TBC1D2B: variants seen among roughly 807,000 people sequenced by gnomAD.
TBC1D2B encodes the protein TBC1 domain family, member 2B.
A neutral mutation model predicts 100.8 loss-of-function variants in TBC1D2B; 64 were observed. The observed-to-expected ratio is 0.64, with a 90% CI of 0.52 to 0.78. TBC1D2B has a LOEUF of 0.78. Ranked by LOEUF, TBC1D2B falls within the 30% of genes least tolerant of loss-of-function variation. The pLI, the probability that TBC1D2B is intolerant of heterozygous loss-of-function variation, is 0.00. For synonymous variants in TBC1D2B, 480 were observed against 479.7 expected (o/e 1.00, Z -0.01); for missense variants, 1,052 against 1,218.4 (o/e 0.86, Z 2.03).
chr15:78,063,358 A>C (rs941086413), intron 1 of TBC1D2B, among the ~76,000 whole-genome samples: 2 of 152,206 alleles, frequency 1.3e-5, no homozygotes, highest in Non-Finnish European at 2.9e-5. Context: ...ACTTGCTATC[A>C]AGGGGAAGGA....
Position 78,025,392 on chromosome 15 carries a change from C to T in TBC1D2B, c.953G>A (p.Gly318Asp). ...IGSYKNRHSS[G>D]DPSSEGTSGS... ...TGATGTGCCTTCACTTGAAGGGTCACCACTGCTGTGACGATTTTTGTACGA... is the reference window on the plus strand; with the variant it reads ...TGATGTGCCTTCACTTGAAGGGTCATCACTGCTGTGACGATTTTTGTACGA... Residue 318 changes from glycine (G) to aspartate (D), a missense_variant, in exon 5 of 13, where the codon GGT becomes GAT. By Grantham distance (94) the Gly-to-Asp change is moderately conservative. This residue lies in a region of TBC1D2B where 627 missense variants were observed against 646.1 expected (regional missense o/e 0.97). Transcript: ENST00000300584. 1 of 1,613,982 alleles carries T rather than the reference C, an allele frequency of 6.2e-7. No homozygotes were observed. The highest frequency in any genetic ancestry group is 1.7e-5 in the Admixed American group (1 of 60,018).
rs142452030 is a variant in TBC1D2B, at chr15:78,013,098, G to A, written c.1995C>T (p.His665=). Residue 665 remains histidine, a synonymous_variant, in exon 9 of 13, where the codon CAC becomes CAT. Transcript: ENST00000300584. The part of the protein sequence containing the change: ...LKNLIRAGIP[H]EHRSKVWKWC... ...ACTTCCACACCTTGGAACGGTGCTC[G>A]TGGGGAATGCCCGCACGGATGAGGT... The A allele has an allele frequency of 2.5e-5, 40 of 1,614,004 alleles. No individual in the cohort carries two copies. In the East Asian group the frequency reaches 3.6e-4, roughly 14 times the overall value.
At chr15:78,019,438 G>A (rs1021474431) in intron 6 of TBC1D2B, among the ~76,000 whole-genome samples, 3 of 152,136 alleles carry the variant, frequency 2.0e-5, no homozygotes, top group Admixed American at 6.5e-5. Flanking sequence ...TCTCAGGCCC[G>A]ACTCCCACTA....
intron 1 of TBC1D2B, among the ~76,000 whole-genome samples, chr15:78,056,804 C>G (rs1410013841): frequency 6.6e-6 from 1 of 151,154 alleles, no homozygotes; most frequent in Admixed American, 6.6e-5. Context: ...TCTGCCAAAC[C>G]CCCAACCCTT....
chr15:78,011,937 G>A (rs4886990), intron 9 of TBC1D2B, among the ~76,000 whole-genome samples: 127,071 of 151,942 alleles, frequency 0.84, 54,648 homozygotes, highest in East Asian at 0.99. Flanking sequence ...GTGACCCACC[G>A]CACACAGCCA....
chr15:78,060,476 A>C lies in TBC1D2B; in HGVS notation c.361-6289T>G, dbSNP rs1432850238. Among the ~76,000 whole-genome samples, 5 of 3,520 alleles carry C rather than the reference A, an allele frequency of 1.4e-3. No individual in the cohort carries two copies. In the Non-Finnish European group the frequency reaches 0.025, roughly 17 times the overall value. 2.3% of individuals were successfully genotyped at this position (3,520 alleles called of 152,430 possible). On this transcript the variant is annotated intron_variant, in intron 1 of 12. Transcript: ENST00000300584. ...AACATGGTGAAACCACATCACTACA[A>C]AAAAAAAAAAAAAAAATTAGCCAGG...
intron 2 of TBC1D2B, among the ~76,000 whole-genome samples, chr15:78,045,931 T>C (rs1486417348): frequency 1.3e-5 from 2 of 152,058 alleles, no homozygotes; most frequent in African/African-American, 2.4e-5. Flanking sequence ...AAAAACATTT[T>C]TCTTTTTTTT....
chr15:78,054,786 T>G lies in TBC1D2B; in HGVS notation c.361-599A>C, dbSNP rs537375176. On this transcript the variant is annotated intron_variant, in intron 1 of 12. Coordinates refer to ENST00000300584, the MANE Select transcript of TBC1D2B (RefSeq NM_144572.2). Reference sequence around the variant, plus strand: ...TTTAGAAAACAGTTTAGCAATTCCTTATAAAGTTAAACATACACTTACCAA... The same window carrying G: ...TTTAGAAAACAGTTTAGCAATTCCTGATAAAGTTAAACATACACTTACCAA... Among the ~76,000 whole-genome samples the G allele has an allele frequency of 5.9e-4, 90 of 152,298 alleles. No homozygotes were observed. The East Asian group carries it at 0.012, about 20-fold the overall frequency.
At chr15:78,049,884 A>T (rs1406548758) in intron 2 of TBC1D2B, among the ~76,000 whole-genome samples, 3 of 152,144 alleles carry the variant, frequency 2.0e-5, no homozygotes, top group African/African-American at 4.8e-5. Flanking sequence ...CAGATGGGGA[A>T]ATTATGATGT....
At chr15:78,001,322 C>A (rs2141615917) in intron 12 of TBC1D2B, among the ~76,000 whole-genome samples, 1 of 152,364 alleles carries the variant, frequency 6.6e-6, no homozygotes, top group South Asian at 2.1e-4. Context: ...CCAGCACAGA[C>A]CCTACCACAA....
At chr15:78,060,613 G>A (rs1390097650) in intron 1 of TBC1D2B, among the ~76,000 whole-genome samples, 1 of 151,894 alleles carries the variant, frequency 6.6e-6, no homozygotes, top group Non-Finnish European at 1.5e-5. Flanking sequence ...CAGCCTGGGC[G>A]ACAGAGCAAG....
At chr15:78,012,464 G>A (rs2072255257) in intron 9 of TBC1D2B, among the ~76,000 whole-genome samples, 1 of 152,216 alleles carries the variant, frequency 6.6e-6, no homozygotes, top group South Asian at 2.1e-4. Flanking sequence ...AAAAGATCCT[G>A]TATACTGCAT....
chr15:78,061,577 A>AAT (rs2073546780), intron 1 of TBC1D2B, among the ~76,000 whole-genome samples: 1 of 148,282 alleles, frequency 6.7e-6, no homozygotes, highest in Non-Finnish European at 1.5e-5. Flanking sequence ...TGTCTCCAAA[A>AAT]ATATATATAT....
intron 9 of TBC1D2B, among the ~76,000 whole-genome samples, chr15:78,010,269 G>T (rs375340936): frequency 6.6e-6 from 1 of 152,140 alleles, no homozygotes; most frequent in East Asian, 1.9e-4. Flanking sequence ...GGAAACTGGG[G>T]TCAGCTATTT....
At chr15:78,001,092 C>T (rs2071900061) in intron 12 of TBC1D2B, among the ~76,000 whole-genome samples, 1 of 152,238 alleles carries the variant, frequency 6.6e-6, no homozygotes, top group African/African-American at 2.4e-5. Context: ...GCTGAGCTGC[C>T]TCCACACTTC....
intron 1 of TBC1D2B, among the ~76,000 whole-genome samples, chr15:78,058,658 A>G (rs772239107): frequency 6.6e-6 from 1 of 152,224 alleles, no homozygotes; most frequent in Non-Finnish European, 1.5e-5. Flanking sequence ...GGCCAGGACC[A>G]CACAGCATTC....
rs1469784855 is a variant in TBC1D2B, at chr15:78,026,671, T to C, written c.848-1174A>G. On this transcript the variant is annotated intron_variant, in intron 4 of 12. Transcript: ENST00000300584. ...TGGCTCACGCCTGTAATCCCAGCAC[T>C]TTGCGAGGCCGAGGCAGGTGGATCA... Among the ~76,000 whole-genome samples the C allele has an allele frequency of 2.0e-5, 3 of 152,110 alleles. No individual in the cohort carries two copies. The East Asian group carries it at 5.8e-4, about 29-fold the overall frequency.
chr15:78,023,214 C>T (rs535489453), intron 6 of TBC1D2B, among the ~76,000 whole-genome samples: 107 of 152,306 alleles, frequency 7.0e-4, no homozygotes, highest in Middle Eastern at 3.4e-3. Context: ...CTCGGAGACA[C>T]ATTATTTGCA....
At chr15:78,022,906 C>T (rs2072551414) in intron 6 of TBC1D2B, among the ~76,000 whole-genome samples, 1 of 151,822 alleles carries the variant, frequency 6.6e-6, no homozygotes, top group Non-Finnish European at 1.5e-5. Context: ...CAGAGGTTTT[C>T]TTGTTGTTTT....
Sources: gnomAD v4.1 joint callset for allele counts (sites outside exome capture counted in the v4.1 genomes callset) on GRCh38, gnomAD v4.1.1 for gene constraint, gnomAD v4.1.1 regional missense constraint, MANE v1.5 for transcripts, NCBI Gene and HGNC (gene_info 2026-07-23, HGNC 2026-07-21) for gene names.